The following DEPTOR variants were observed in gnomAD, a reference collection of about 807,000 sequenced individuals.
DEPTOR encodes the protein DEP domain containing MTOR interacting protein.
Under a neutral mutation model 41.6 loss-of-function variants are expected in DEPTOR, and 41 were observed. The observed-to-expected ratio is 0.98, with a 90% CI of 0.77 to 1.28. The LOEUF is 1.28. DEPTOR is among the 50% of genes most tolerant of loss of function. DEPTOR has a pLI of 0.00. For synonymous variants in DEPTOR, 195 were observed against 192.3 expected, an observed-to-expected ratio of 1.01 and a Z score of -0.12; for missense variants, 514 against 527.9, an observed-to-expected ratio of 0.97 and a Z score of 0.26.
At chr8:120,018,898 C>G (rs563559607) in intron 8 of DEPTOR, among the ~76,000 whole-genome samples, 13 of 152,348 alleles carry the variant, frequency 8.5e-5, no homozygotes, top group Admixed American at 7.8e-4. Context: ...ACAGCGATAA[C>G]AGTGCACAGT....
At chr8:120,033,034 G>A (rs568261459) in intron 8 of DEPTOR, among the ~76,000 whole-genome samples, 15 of 151,298 alleles carry the variant, frequency 9.9e-5, no homozygotes, top group African/African-American at 3.6e-4. Context: ...GGGCTAGAGA[G>A]CTTTTGGTGA....
At chr8:119,961,416 C>CG (rs1828490533) in intron 3 of DEPTOR, among the ~76,000 whole-genome samples, 1 of 108,618 alleles carries the variant, frequency 9.2e-6, no homozygotes, top group African/African-American at 3.6e-5. Flanking sequence ...AACTCCGTAT[C>CG]AAAAAAAAAA....
At chr8:119,932,142 C>T (rs573642723) in intron 3 of DEPTOR, among the ~76,000 whole-genome samples, 8 of 151,784 alleles carry the variant, frequency 5.3e-5, no homozygotes, top group African/African-American at 1.9e-4. Flanking sequence ...CTACCATGTC[C>T]AGCTATTTTT....
Position 119,945,315 on chromosome 8 carries a change from G to A in DEPTOR, c.425+15377G>A, listed in dbSNP as rs553121848. On this transcript the variant is annotated intron_variant, in intron 3 of 8. Coordinates refer to ENST00000286234, the MANE Select transcript of DEPTOR (RefSeq NM_022783.4). ...GTCACTCTATTTGTGTTTATTGGTT[G>A]TGGGTTCTGATCATAAAAATTCAGA... 1.2e-4 allele frequency among the ~76,000 whole-genome samples: 19 copies of A among 152,280 alleles called. No homozygotes were observed. In the South Asian group the frequency reaches 3.7e-3, roughly 30 times the overall value.
At chr8:119,937,316 C>T (rs1305735730) in intron 3 of DEPTOR, among the ~76,000 whole-genome samples, 1 of 151,896 alleles carries the variant, frequency 6.6e-6, no homozygotes, top group East Asian at 2.0e-4. Context: ...AGGAGAATCG[C>T]TTGAACCCGG....
intron 8 of DEPTOR, among the ~76,000 whole-genome samples, chr8:120,029,686 G>A (rs556006137): frequency 4.6e-5 from 7 of 152,216 alleles, no homozygotes; most frequent in Admixed American, 2.0e-4. Context: ...GTGAGCCACC[G>A]CACCCAGCCA....
chr8:120,038,615 A>G (rs1813014325), intron 8 of DEPTOR, among the ~76,000 whole-genome samples: 1 of 151,870 alleles, frequency 6.6e-6, no homozygotes, highest in African/African-American at 2.4e-5. Flanking sequence ...AAAAAGAAAA[A>G]AGAAATAAAT....
chr8:119,955,487 T>C (rs551612825), intron 3 of DEPTOR, among the ~76,000 whole-genome samples: 2 of 151,760 alleles, frequency 1.3e-5, no homozygotes, highest in African/African-American at 4.8e-5. Flanking sequence ...TTTTTTTGAG[T>C]CAAAGTTTCG....
At chr8:119,873,993 A>G (rs754868326) in intron 1 of DEPTOR, 25 bp downstream of exon 1, 1 of 1,612,324 alleles carries the variant, frequency 6.2e-7, no homozygotes. Context: ...ACAGCGGGTG[A>G]GCTCACGATG....
intron 8 of DEPTOR, among the ~76,000 whole-genome samples, chr8:120,047,559 G>A (rs1270130698): frequency 6.6e-6 from 1 of 151,452 alleles, no homozygotes; most frequent in Admixed American, 6.6e-5. Flanking sequence ...TAGTAGAGAC[G>A]GGGTTTCACC....
At chr8:119,897,585 A>G (rs1433816505) in intron 1 of DEPTOR, among the ~76,000 whole-genome samples, 2 of 152,306 alleles carry the variant, frequency 1.3e-5, no homozygotes, top group Non-Finnish European at 2.9e-5. Flanking sequence ...GAGCTTTTCA[A>G]GATATTTCTC....
Position 120,008,908 on chromosome 8 carries a change from G to A in DEPTOR, c.997-121G>A. 2.3e-6 allele frequency: 2 copies of A among 860,952 alleles called. 1 individual carries two copies. Among genetic ancestry groups the A allele is most frequent in the South Asian group, 3.3e-5 (2 of 59,862 alleles). The allele number at this position is 860,952 out of a possible 1,614,324, so 53.3% of individuals were successfully genotyped here. ...TTCCAATCCCCTGGCAGGGAAGAGA[G>A]AAACGGAGGAAAATATGTCACAGTG... On this transcript the variant is annotated intron_variant, in intron 7 of 8. Coordinates refer to ENST00000286234, the MANE Select transcript of DEPTOR (RefSeq NM_022783.4).
intron 3 of DEPTOR, among the ~76,000 whole-genome samples, chr8:119,955,146 C>G (rs1828402239): frequency 6.6e-6 from 1 of 152,180 alleles, no homozygotes; most frequent in Non-Finnish European, 1.5e-5. Context: ...GCATGAGCCA[C>G]TGCACCCGGC....
At chr8:119,884,528 A>T (rs534477825) in intron 1 of DEPTOR, among the ~76,000 whole-genome samples, 1 of 151,834 alleles carries the variant, frequency 6.6e-6, no homozygotes, top group South Asian at 2.1e-4. Flanking sequence ...CAATATGAGA[A>T]AAGGCAATTT....
At position 119,873,945 on chromosome 8, in the gene DEPTOR, C is replaced by G. The variant is rs973147119; in HGVS notation, c.99C>G (p.Val33=). Residue 33 remains valine, a synonymous_variant, in exon 1 of 9, where the codon GTC becomes GTG. Coordinates refer to ENST00000286234, the MANE Select transcript of DEPTOR (RefSeq NM_022783.4). The part of the protein sequence containing the change: ...QQRELERMAE[V]LVTGEQLRLR... ...GGGAGCTGGAGCGCATGGCTGAGGT[C>G]TTGGTCACCGGGGAACAGCTACGGT... 4 of 1,613,542 alleles carry G rather than the reference C, an allele frequency of 2.5e-6. No individual in the cohort carries two copies. In the African/African-American group the frequency reaches 5.3e-5, roughly 22 times the overall value.
chr8:120,049,827 C>G lies in DEPTOR; in HGVS notation c.*123C>G. 4.0e-6 allele frequency: 5 copies of G among 1,260,472 alleles called. No homozygotes were observed. The highest frequency in any genetic ancestry group is 4.3e-6 in the Non-Finnish European group (4 of 926,688). The allele number at this position is 1,260,472 out of a possible 1,614,324, so 78.1% of individuals were successfully genotyped here. On this transcript the variant is annotated 3_prime_UTR_variant, in exon 9 of 9. Coordinates refer to ENST00000286234, the MANE Select transcript of DEPTOR (RefSeq NM_022783.4). ...TTTGGACATACGAGTCTTCTCCGCA[C>G]ATACATGTCTAAAGTTGAGTTTTAT...
chr8:119,901,764 CT>C (rs1827594468), intron 1 of DEPTOR, among the ~76,000 whole-genome samples: 2 of 151,404 alleles, frequency 1.3e-5, no homozygotes, highest in African/African-American at 4.8e-5. Flanking sequence ...CCAATGCTTT[CT>C]GAAGCAATGG....
chr8:119,974,186 G>A (rs1278644727), intron 4 of DEPTOR, among the ~76,000 whole-genome samples: 1 of 143,580 alleles, frequency 7.0e-6, no homozygotes, highest in Non-Finnish European at 1.5e-5. Context: ...ATTGCTTGAG[G>A]ACAGGAGTTC....
intron 4 of DEPTOR, among the ~76,000 whole-genome samples, chr8:119,982,306 C>A (rs540408997): frequency 4.2e-4 from 64 of 152,238 alleles, no homozygotes; most frequent in Middle Eastern, 3.4e-3. Context: ...TTGCTAGAAG[C>A]CATGTCTTCT....
Sources: allele counts gnomAD v4.1 joint callset (sites outside exome capture counted in the v4.1 genomes callset), GRCh38; gene constraint gnomAD v4.1.1; transcripts MANE v1.5; gene names NCBI Gene and HGNC (gene_info 2026-07-23, HGNC 2026-07-21).